Variants in NAALADL2 observed in about 807,000 individuals in gnomAD.
NAALADL2 encodes N-acetylated alpha-linked acidic dipeptidase like 2.
A neutral mutation model predicts 87.2 loss-of-function variants in NAALADL2; 76 were observed. The ratio of observed to expected loss-of-function variants is 0.87; its 90% CI spans 0.72 to 1.05. The LOEUF (loss-of-function observed/expected upper bound fraction) is 1.05. Among genes scored for constraint, NAALADL2 ranks in the 50% least tolerant of loss-of-function variants. The pLI, the probability that NAALADL2 is intolerant of heterozygous loss-of-function variation, is 0.00. For missense variants in NAALADL2, 1,089 were observed against 945.8 expected (o/e 1.15, Z -1.99); for synonymous variants, 354 against 331.0 (o/e 1.07, Z -0.75).
intron 2 of NAALADL2, among the ~76,000 whole-genome samples, chr3:175,224,124 C>G (rs34220266): frequency 0.42 from 63,222 of 151,560 alleles, 15,110 homozygotes; most frequent in Non-Finnish European, 0.54. Flanking sequence ...GAGGTGGGGA[C>G]CAGGTAAATG....
intron 1 of NAALADL2, among the ~76,000 whole-genome samples, chr3:174,954,257 C>A (rs1304614542): frequency 6.6e-6 from 1 of 152,092 alleles, no homozygotes; most frequent in East Asian, 1.9e-4. Context: ...AAAAATTCCA[C>A]CCCTTTTACA....
intron 1 of NAALADL2, among the ~76,000 whole-genome samples, chr3:174,996,314 G>A (rs893382473): frequency 1.3e-5 from 2 of 151,130 alleles, no homozygotes; most frequent in African/African-American, 2.5e-5. Flanking sequence ...TGGCTAACAC[G>A]GTGAAACCCC....
chr3:174,742,257 C>T (rs916041279), intron 3 of NAALADL2, among the ~76,000 whole-genome samples: 1 of 151,530 alleles, frequency 6.6e-6, no homozygotes, highest in African/African-American at 2.4e-5. Context: ...AATATGCTAC[C>T]ATAGTTTTCC....
chr3:175,405,560 GC>G (rs1442226063), intron 5 of NAALADL2, among the ~76,000 whole-genome samples: 10 of 149,924 alleles, frequency 6.7e-5, no homozygotes, highest in African/African-American at 2.5e-4. Context: ...AATTTCTTAT[GC>G]ATAATTAAAT....
At chr3:174,769,540 CA>C (rs1714265510) in intron 3 of NAALADL2, among the ~76,000 whole-genome samples, 2 of 151,744 alleles carry the variant, frequency 1.3e-5, no homozygotes, top group South Asian at 4.2e-4. Context: ...TTATTAAGGA[CA>C]ATAGCTGGAG....
chr3:175,181,717 GTATATATATGTATATA>G (rs1736534874), intron 2 of NAALADL2, among the ~76,000 whole-genome samples: 1 of 13,726 alleles, frequency 7.3e-5, no homozygotes, highest in African/African-American at 1.5e-4. Flanking sequence ...GTGTGTGTGT[GTATATATATGTATATA>G]TGTGTATATA....
chr3:175,285,716 G>A (rs559648712), intron 4 of NAALADL2, among the ~76,000 whole-genome samples: 9 of 151,994 alleles, frequency 5.9e-5, no homozygotes, highest in South Asian at 2.1e-4. Context: ...TTTATAAACC[G>A]TGCTATCTAT....
chr3:175,583,213 A>T (rs1406350968), intron 10 of NAALADL2, among the ~76,000 whole-genome samples: 1 of 152,192 alleles, frequency 6.6e-6, no homozygotes, highest in Non-Finnish European at 1.5e-5. Flanking sequence ...GCATCAAGAG[A>T]GTATCGTGTT....
chr3:175,441,645 TTGAG>T (rs1258308476), intron 5 of NAALADL2, among the ~76,000 whole-genome samples: 8 of 148,158 alleles, frequency 5.4e-5, no homozygotes, highest in African/African-American at 2.0e-4. Context: ...CTGTACAACA[TTGAG>T]TGAGTAGCAA....
chr3:175,695,306 G>T (rs1318209639), intron 11 of NAALADL2, among the ~76,000 whole-genome samples: 2 of 151,894 alleles, frequency 1.3e-5, no homozygotes, highest in African/African-American at 4.8e-5. Flanking sequence ...AATGTCTGTT[G>T]TAGTAATGTT....
chr3:175,132,166 C>T (rs1337427377), intron 2 of NAALADL2, among the ~76,000 whole-genome samples: 12 of 113,092 alleles, frequency 1.1e-4, no homozygotes, highest in South Asian at 3.0e-4. Context: ...CCGGACGGGG[C>T]AGCTGGCTGG....
At chr3:174,627,424 CA>C (rs1721682834) in intron 2 of NAALADL2, among the ~76,000 whole-genome samples, 1 of 152,048 alleles carries the variant, frequency 6.6e-6, no homozygotes, top group Admixed American at 6.5e-5. Context: ...ATTGAAAAGT[CA>C]AAAAACAACT....
chr3:174,769,790 T>C (rs1714297503), intron 3 of NAALADL2, among the ~76,000 whole-genome samples: 1 of 151,584 alleles, frequency 6.6e-6, no homozygotes, highest in African/African-American at 2.4e-5. Flanking sequence ...TCTTTAATTT[T>C]ATTTATTTCT....
At chr3:175,053,878 C>A (rs776587453) in intron 1 of NAALADL2, among the ~76,000 whole-genome samples, 1 of 152,210 alleles carries the variant, frequency 6.6e-6, no homozygotes, top group Non-Finnish European at 1.5e-5. Context: ...GAAAATGTCT[C>A]GCATTAGATA....
intron 9 of NAALADL2, among the ~76,000 whole-genome samples, chr3:175,492,023 T>A (rs560151850): frequency 1.6e-4 from 24 of 152,318 alleles, no homozygotes; most frequent in African/African-American, 5.5e-4. Flanking sequence ...TAATTGAACC[T>A]CTGGGTAAAG....
chr3:175,118,299 G>C (rs1196999111), intron 2 of NAALADL2, among the ~76,000 whole-genome samples: 6 of 151,696 alleles, frequency 4.0e-5, no homozygotes, highest in Admixed American at 1.3e-4. Flanking sequence ...AGCTCAAAAT[G>C]TTCCTCTAAG....
At chr3:174,615,138 G>A (rs1461394957) in intron 2 of NAALADL2, among the ~76,000 whole-genome samples, 1 of 152,174 alleles carries the variant, frequency 6.6e-6, no homozygotes, top group Non-Finnish European at 1.5e-5. Flanking sequence ...AAGTTTTGAT[G>A]AATTAGAAAG....
chr3:175,122,798 C>A (rs1285725163), intron 2 of NAALADL2, among the ~76,000 whole-genome samples: 1 of 151,780 alleles, frequency 6.6e-6, no homozygotes, highest in East Asian at 1.9e-4. Flanking sequence ...TAACAGAATG[C>A]CACAGGCTGA....
chr3:174,987,074 T>G (rs1473426600), intron 1 of NAALADL2, among the ~76,000 whole-genome samples: 2 of 152,278 alleles, frequency 1.3e-5, no homozygotes, highest in African/African-American at 4.8e-5. Flanking sequence ...GTGGGATAAA[T>G]TTGTTAAGAG....
Sources: allele counts gnomAD v4.1 joint callset (sites outside exome capture counted in the v4.1 genomes callset), GRCh38; gene constraint gnomAD v4.1.1; transcripts MANE v1.5; gene names NCBI Gene and HGNC (gene_info 2026-07-23, HGNC 2026-07-21).